SNX13: variants seen among roughly 807,000 people sequenced by gnomAD.
SNX13 encodes the protein sorting nexin 13.
In SNX13, 45 loss-of-function variants were observed where a neutral mutation model predicts 133.6. That is an observed-to-expected ratio of 0.34 (90% CI 0.27 to 0.43). The LOEUF (loss-of-function observed/expected upper bound fraction) is 0.43. Ranked by LOEUF, SNX13 falls within the 20% of genes least tolerant of loss-of-function variation. The pLI, the probability that SNX13 is intolerant of heterozygous loss-of-function variation, is 1.00. For synonymous variants in SNX13, 414 were observed against 373.9 expected, an observed-to-expected ratio of 1.11 and a Z score of -1.24; for missense variants, 1,032 against 1,145.1, an observed-to-expected ratio of 0.90 and a Z score of 1.43.
chr7:17,858,193 G>A (rs1162439421), intron 9 of SNX13, among the ~76,000 whole-genome samples: 2 of 152,082 alleles, frequency 1.3e-5, no homozygotes, highest in Non-Finnish European at 2.9e-5. Flanking sequence ...TTAGGCAAGA[G>A]AGAAATAAAG....
chr7:17,802,923 C>T (rs546026151), intron 21 of SNX13, among the ~76,000 whole-genome samples: 25 of 151,922 alleles, frequency 1.6e-4, no homozygotes, highest in Non-Finnish European at 3.1e-4. Context: ...TTCTATGACA[C>T]GCAGAGGTCT....
intron 20 of SNX13, among the ~76,000 whole-genome samples, chr7:17,807,928 AT>A (rs1785510132): frequency 6.6e-6 from 1 of 152,166 alleles, no homozygotes; most frequent in Non-Finnish European, 1.5e-5. Context: ...CAAAAAGGAC[AT>A]CCACACAGAA....
At chr7:17,882,908 G>C (rs962874514) in intron 5 of SNX13, 8 of 1,127,998 alleles carry the variant, frequency 7.1e-6, no homozygotes, top group Non-Finnish European at 9.5e-6. Flanking sequence ...CCGAGATTGC[G>C]CCATTGTACT....
Position 17,799,854 on chromosome 7 carries a change from T to G in SNX13, c.2299-700A>C, listed in dbSNP as rs1189288466. ...TATAAAATAAAAAGCAGGTACAGAT[T>G]TAGTACCACATATAATTGTTAGTAA... On this transcript the variant is annotated intron_variant, in intron 22 of 25. Coordinates refer to ENST00000428135, the MANE Select transcript of SNX13 (RefSeq NM_015132.5). 3.3e-5 allele frequency among the ~76,000 whole-genome samples: 5 copies of G among 151,818 alleles called. 1 individual carries two copies. The East Asian group carries it at 9.6e-4, about 29-fold the overall frequency.
At chr7:17,798,631 G>A in intron 24 of SNX13, 59 bp downstream of exon 24, 1 of 1,268,450 alleles carries the variant, frequency 7.9e-7, no homozygotes. Flanking sequence ...AAGTTAATTA[G>A]TGATAACAAT....
At chr7:17,862,625 C>T (rs141753187) in intron 9 of SNX13, among the ~76,000 whole-genome samples, 14 of 152,266 alleles carry the variant, frequency 9.2e-5, no homozygotes, top group African/African-American at 2.9e-4. Flanking sequence ...TAAAGATATA[C>T]TATCATCACT....
intron 11 of SNX13, 64 bp downstream of exon 11, chr7:17,850,283 G>T: frequency 2.9e-6 from 3 of 1,043,930 alleles, no homozygotes; most frequent in Non-Finnish European, 4.0e-6. Context: ...CCTTTACTGT[G>T]CATTTTTAAT....
intron 21 of SNX13, among the ~76,000 whole-genome samples, chr7:17,801,970 A>G (rs1264514111): frequency 1.3e-5 from 2 of 152,120 alleles, no homozygotes; most frequent in Admixed American, 1.3e-4. Context: ...AAAGTCATGC[A>G]TCGCATAATG....
chr7:17,857,140 G>A (rs1055046081), intron 9 of SNX13, among the ~76,000 whole-genome samples: 1 of 151,942 alleles, frequency 6.6e-6, no homozygotes, highest in African/African-American at 2.4e-5. Context: ...AAACCTAGAA[G>A]AACTGAATAA....
intron 17 of SNX13, 164 bp from the exon 18 acceptor site, chr7:17,821,812 G>A: frequency 2.8e-6 from 2 of 721,266 alleles, no homozygotes; most frequent in Non-Finnish European, 4.3e-6. Flanking sequence ...TGTCAGCAAA[G>A]GATAGATTCC....
chr7:17,921,087 T>C (rs1207838525), intron 1 of SNX13, among the ~76,000 whole-genome samples: 2 of 152,092 alleles, frequency 1.3e-5, no homozygotes, highest in Non-Finnish European at 1.5e-5. Context: ...AGCCCCAAAC[T>C]CTAGGGCTCT....
chr7:17,892,778 C>T (rs998708024), intron 3 of SNX13, among the ~76,000 whole-genome samples: 3 of 152,118 alleles, frequency 2.0e-5, no homozygotes, highest in Admixed American at 6.5e-5. Context: ...ACCAACCCAA[C>T]TGCACAAGAA....
At chr7:17,844,216 T>C (rs182733531) in intron 12 of SNX13, among the ~76,000 whole-genome samples, 1 of 151,980 alleles carries the variant, frequency 6.6e-6, no homozygotes, top group Admixed American at 6.6e-5. Context: ...ATTACTAAAA[T>C]CGGAAGTGAA....
At chr7:17,882,158 A>C (rs959423548) in intron 5 of SNX13, 1 of 152,162 alleles carries the variant, frequency 6.6e-6, no homozygotes, top group African/African-American at 2.4e-5. Context: ...TCAGGTTTAC[A>C]AATCTGCCTC....
At chr7:17,848,864 C>T (rs1790867357) in intron 11 of SNX13, among the ~76,000 whole-genome samples, 1 of 152,212 alleles carries the variant, frequency 6.6e-6, no homozygotes, top group African/African-American at 2.4e-5. Context: ...CAGGGAAGTA[C>T]CCTGCTTCAA....
In SNX13 at chr7:17,805,265, G is replaced by GCGCA. The variant is rs771908159; in HGVS notation, c.2065-1686_2065-1685insTGCG. On this transcript the variant is annotated intron_variant, in intron 20 of 25. Transcript: ENST00000428135. ...TGTGTGTGTGTGCGTGCGCGCGCGC[G>GCGCA]CATGCATGCACATGTGTAATTCTAA... Among the ~76,000 whole-genome samples the GCGCA allele has an allele frequency of 9.5e-4, 139 of 146,096 alleles. 3 individuals carry two copies. Among genetic ancestry groups the GCGCA allele is most frequent in the South Asian group, 4.1e-3 (19 of 4,596 alleles).
chr7:17,851,591 A>C (rs2723571), intron 9 of SNX13, among the ~76,000 whole-genome samples: 84,939 of 151,798 alleles, frequency 0.56, 24,241 homozygotes, highest in East Asian at 0.72. Flanking sequence ...TTTGCTGATA[A>C]ATCAGACATG....
At chr7:17,806,949 C>T (rs1317818254) in intron 20 of SNX13, among the ~76,000 whole-genome samples, 1 of 152,216 alleles carries the variant, frequency 6.6e-6, no homozygotes, top group Non-Finnish European at 1.5e-5. Context: ...TTCCCACAGT[C>T]TTTGCAACCC....
intron 16 of SNX13, among the ~76,000 whole-genome samples, chr7:17,826,425 CATATT>C (rs1787920260): frequency 6.6e-6 from 1 of 151,912 alleles, no homozygotes; most frequent in Non-Finnish European, 1.5e-5. Context: ...AATAAGTAGA[CATATT>C]ATGTTAACAT....
Sources: allele counts gnomAD v4.1 joint callset (sites outside exome capture counted in the v4.1 genomes callset), GRCh38; gene constraint gnomAD v4.1.1; transcripts MANE v1.5; gene names NCBI Gene and HGNC (gene_info 2026-07-23, HGNC 2026-07-21).